Variants in AFF3 observed in about 807,000 individuals in gnomAD.
AFF3 encodes AF4/FMR2 family member 3.
In AFF3, 32 loss-of-function variants were observed where a neutral mutation model predicts 129.7. The observed-to-expected ratio is 0.25, with a 90% CI of 0.19 to 0.33. The LOEUF (loss-of-function observed/expected upper bound fraction) is 0.33, where lower values mean the gene tolerates loss of function less well. Ranked by LOEUF, AFF3 falls within the 10% of genes least tolerant of loss-of-function variation. AFF3 has a pLI of 1.00. For synonymous variants in AFF3, 644 were observed against 635.4 expected (o/e 1.01, Z -0.20); for missense variants, 1,373 against 1,592.0 (o/e 0.86, Z 2.34).
chr2:99,922,373 A>G (rs1458035666), intron 7 of AFF3, among the ~76,000 whole-genome samples: 1 of 152,240 alleles, frequency 6.6e-6, no homozygotes, highest in Non-Finnish European at 1.5e-5. Context: ...ATAGAAGATT[A>G]CTATTCAGCA....
chr2:99,587,925 G>A (rs60911182), intron 15 of AFF3, among the ~76,000 whole-genome samples: 4 of 151,104 alleles, frequency 2.6e-5, no homozygotes, highest in African/African-American at 9.7e-5. Flanking sequence ...CAGGAGAATC[G>A]CTTGAACCTG....
chr2:99,831,256 C>G (rs564293523), intron 8 of AFF3, among the ~76,000 whole-genome samples: 1 of 152,294 alleles, frequency 6.6e-6, no homozygotes, highest in Non-Finnish European at 1.5e-5. Flanking sequence ...TTCTAAAAAT[C>G]CTTTTAAATG....
chr2:100,128,205 T>C (rs1249612961), intron 2 of AFF3, among the ~76,000 whole-genome samples: 1 of 152,198 alleles, frequency 6.6e-6, no homozygotes, highest in Non-Finnish European at 1.5e-5. Flanking sequence ...CTGCTCTGTC[T>C]ATGGAGTAGC....
In AFF3 at chr2:100,078,617, G is replaced by A. The variant is rs1227195729; in HGVS notation, c.53+25785C>T. Among the ~76,000 whole-genome samples the A allele has an allele frequency of 2.0e-5, 3 of 152,254 alleles. No homozygotes were observed. In the South Asian group the frequency reaches 6.2e-4, roughly 32 times the overall value. On this transcript the variant is annotated intron_variant, in intron 4 of 24. Coordinates refer to ENST00000672756, the MANE Select transcript of AFF3 (RefSeq NM_001386135.1). Reference sequence around the variant, plus strand: ...CAGAGAACAGGCTCATTCAGCTGTGGAATGAACTGAGTTAAATGGACTTGT... The same window carrying A: ...CAGAGAACAGGCTCATTCAGCTGTGAAATGAACTGAGTTAAATGGACTTGT...
rs1553417669 is a variant in AFF3 at position 99,650,796 on chromosome 2, A to ATGCGTGTGTGTGTGTG, written c.1144-1131_1144-1130insCACACACACACACGCA. 4.3e-3 allele frequency among the ~76,000 whole-genome samples: 625 copies of ATGCGTGTGTGTGTGTG among 144,826 alleles called. 1 individual carries two copies. Among genetic ancestry groups the ATGCGTGTGTGTGTGTG allele is most frequent in the Non-Finnish European group, 7.7e-3 (506 of 65,804 alleles). ...TTGTTTTTTTCTTCTACTAAAATTAATGTGTGTGTGTGTGTGTGTGTGTGT... is the reference window on the plus strand; with the variant it reads ...TTGTTTTTTTCTTCTACTAAAATTAATGCGTGTGTGTGTGTGTGTGTGTGTGTGTGTGTGTGTGTGT... On this transcript the variant is annotated intron_variant, in intron 12 of 24. Transcript: ENST00000672756.
chr2:100,070,731 C>T (rs1688114135), intron 4 of AFF3, among the ~76,000 whole-genome samples: 1 of 152,128 alleles, frequency 6.6e-6, no homozygotes, highest in Admixed American at 6.5e-5. Context: ...TCTCTCTTCC[C>T]TTCCATTTCT....
intron 7 of AFF3, among the ~76,000 whole-genome samples, chr2:99,941,027 C>T (rs538486021): frequency 1.1e-4 from 16 of 152,232 alleles, no homozygotes; most frequent in Middle Eastern, 3.4e-3. Flanking sequence ...AAAAGGCTGA[C>T]GGAGGCTAAA....
chr2:99,827,853 C>T (rs901856435), intron 8 of AFF3, among the ~76,000 whole-genome samples: 9 of 151,960 alleles, frequency 5.9e-5, no homozygotes, highest in Non-Finnish European at 1.2e-4. Context: ...GTACCCCCAG[C>T]GCCGAGAACA....
chr2:99,750,043 A>C (rs779019647), intron 9 of AFF3, among the ~76,000 whole-genome samples: 5 of 152,250 alleles, frequency 3.3e-5, no homozygotes, highest in African/African-American at 4.8e-5. Flanking sequence ...TAAGAGAATT[A>C]GAATAAAATA....
At chr2:99,645,688 C>T (rs1275020966) in intron 13 of AFF3, among the ~76,000 whole-genome samples, 1 of 152,052 alleles carries the variant, frequency 6.6e-6, no homozygotes, top group East Asian at 1.9e-4. Flanking sequence ...CAAAACCAAG[C>T]AAGGGAAAAG....
rs1674152606 is a variant in AFF3, at chr2:99,548,015, ATC to A, written c.*3457_*3458del. On this transcript the variant is annotated 3_prime_UTR_variant, in exon 25 of 25. Transcript: ENST00000672756. ...ATTTGCAATTTGAATGTTTCCAGAA[ATC>A]TCTGTCTTAACCAAACCTCTCTCTC... The A allele has an allele frequency of 4.7e-6, 1 of 211,750 alleles. No homozygotes were observed. The highest frequency in any genetic ancestry group is 5.9e-5 in the Admixed American group (1 of 16,998). The allele number at this position is 211,750 out of a possible 1,614,324, so 13.1% of individuals were successfully genotyped here.
intron 7 of AFF3, among the ~76,000 whole-genome samples, chr2:99,960,648 G>A (rs1007577838): frequency 2.0e-5 from 3 of 152,164 alleles, no homozygotes; most frequent in African/African-American, 7.2e-5. Flanking sequence ...TCCGTCCTCT[G>A]CTCTTTCTTC....
chr2:99,655,110 C>T (rs1301659653), intron 12 of AFF3, among the ~76,000 whole-genome samples: 1 of 150,536 alleles, frequency 6.6e-6, no homozygotes, highest in Admixed American at 6.7e-5. Context: ...TCTGAAGTAC[C>T]TACTATGTGC....
chr2:99,905,216 C>A, intron 7 of AFF3, among the ~76,000 whole-genome samples: 1 of 152,206 alleles, frequency 6.6e-6, no homozygotes, highest in Non-Finnish European at 1.5e-5. Flanking sequence ...GAACTTGCTG[C>A]TCTTGCCCTC....
chr2:99,632,374 G>A (rs962379402), intron 13 of AFF3, among the ~76,000 whole-genome samples: 6 of 152,254 alleles, frequency 3.9e-5, no homozygotes, highest in African/African-American at 1.4e-4. Flanking sequence ...AAGGGGTACT[G>A]AGTTTCAGTT....
At chr2:100,134,250 T>TA (rs924434904) in intron 1 of AFF3, among the ~76,000 whole-genome samples, 41 of 152,356 alleles carry the variant, frequency 2.7e-4, no homozygotes, top group African/African-American at 9.1e-4. Context: ...AAGCCTTGTA[T>TA]AAAAATATGC....
intron 14 of AFF3, among the ~76,000 whole-genome samples, chr2:99,595,222 C>A (rs942331904): frequency 6.6e-6 from 1 of 152,148 alleles, no homozygotes; most frequent in African/African-American, 2.4e-5. Flanking sequence ...GGAGTAAATG[C>A]TGATGTCTAA....
chr2:99,796,843 A>G (rs147215153), intron 8 of AFF3, among the ~76,000 whole-genome samples: 40 of 152,246 alleles, frequency 2.6e-4, no homozygotes, highest in South Asian at 1.9e-3. Flanking sequence ...AGACTGTAAA[A>G]CCTTATAATT....
At chr2:99,931,852 T>C (rs926324982) in intron 7 of AFF3, among the ~76,000 whole-genome samples, 9 of 152,170 alleles carry the variant, frequency 5.9e-5, no homozygotes, top group African/African-American at 2.2e-4. Flanking sequence ...GAGGTTGCAG[T>C]GAGCCGAAAT....
Sources: allele counts gnomAD v4.1 joint callset (sites outside exome capture counted in the v4.1 genomes callset), GRCh38; gene constraint gnomAD v4.1.1; transcripts MANE v1.5; gene names NCBI Gene and HGNC (gene_info 2026-07-23, HGNC 2026-07-21).